CDK5RAP2: variants seen among roughly 807,000 people sequenced by gnomAD.
The protein encoded by CDK5RAP2 is CDK5 regulatory subunit-associated protein 2.
Under a neutral mutation model 232.9 loss-of-function variants are expected in CDK5RAP2, and 147 were observed. That is an observed-to-expected ratio of 0.63 (90% CI 0.55 to 0.72). The LOEUF is 0.72. CDK5RAP2 is among the 30% of genes least tolerant of loss of function. CDK5RAP2 has a pLI of 0.00. For missense variants in CDK5RAP2, 2,195 were observed against 2,231.5 expected, an observed-to-expected ratio of 0.98 and a Z score of 0.33; for synonymous variants, 833 against 833.7, an observed-to-expected ratio of 1.00 and a Z score of 0.01.
At chr9:120,425,533 C>T (rs2034839150) in intron 25 of CDK5RAP2, among the ~76,000 whole-genome samples, 1 of 152,222 alleles carries the variant, frequency 6.6e-6, no homozygotes, top group South Asian at 2.1e-4. Context: ...GTTATCCCAT[C>T]CATAACTGAA....
chr9:120,408,786 T>C (rs544858062), intron 30 of CDK5RAP2, among the ~76,000 whole-genome samples: 55 of 152,380 alleles, frequency 3.6e-4, no homozygotes, highest in African/African-American at 1.3e-3. Context: ...CCTAAGCCAC[T>C]TTGCCTCAGG....
intron 3 of CDK5RAP2, among the ~76,000 whole-genome samples, chr9:120,565,236 T>C (rs1320293416): frequency 6.6e-6 from 1 of 152,200 alleles, no homozygotes. Flanking sequence ...CTGGAAGAGA[T>C]GATTCTTAGA....
chr9:120,390,930 T>C (rs1038998782), intron 36 of CDK5RAP2, among the ~76,000 whole-genome samples: 2 of 152,086 alleles, frequency 1.3e-5, no homozygotes, highest in African/African-American at 2.4e-5. Context: ...ACAGACGGTG[T>C]GGACTTTGTT....
chr9:120,493,635 G>A (rs1430374075), intron 12 of CDK5RAP2, among the ~76,000 whole-genome samples: 1 of 152,170 alleles, frequency 6.6e-6, no homozygotes, highest in South Asian at 2.1e-4. Context: ...TACCACTTTA[G>A]ATGGTAGTTA....
In CDK5RAP2 at chr9:120,541,226, AC is replaced by A. The variant is rs1588613012; in HGVS notation, c.384-2063del. On this transcript the variant is annotated intron_variant, in intron 5 of 37. Coordinates refer to ENST00000349780, the MANE Select transcript of CDK5RAP2 (RefSeq NM_018249.6). Reference sequence around the variant, plus strand: ...CTGCTACCCTTTCCCTTACCCCTCCACCCTGCCCACCAGAGTGCAAATAGGC... The same window carrying A: ...CTGCTACCCTTTCCCTTACCCCTCCACCTGCCCACCAGAGTGCAAATAGGC... Among the ~76,000 whole-genome samples the A allele has an allele frequency of 2.0e-5, 3 of 151,704 alleles. No individual in the cohort carries two copies. The East Asian group carries it at 5.8e-4, about 29-fold the overall frequency.
intron 35 of CDK5RAP2, among the ~76,000 whole-genome samples, chr9:120,397,566 G>GAAAA (rs1296378886): frequency 2.1e-5 from 2 of 94,246 alleles, no homozygotes; most frequent in African/African-American, 4.1e-5. Flanking sequence ...AAAAAAAAAA[G>GAAAA]AAAAAAGAAA....
chr9:120,447,485 G>GT (rs1229058885), intron 22 of CDK5RAP2, among the ~76,000 whole-genome samples: 12 of 152,198 alleles, frequency 7.9e-5, no homozygotes. Flanking sequence ...CGCAAGGTTA[G>GT]TAAGGTTTGG....
chr9:120,403,073 T>C lies in CDK5RAP2; in HGVS notation c.5042-2A>G. 1 of 1,614,006 alleles carries C rather than the reference T, an allele frequency of 6.2e-7. No homozygotes were observed. The highest frequency in any genetic ancestry group is 8.5e-7 in the Non-Finnish European group (1 of 1,179,912). On this transcript the variant is annotated splice_acceptor_variant, in intron 33 of 37. Transcript: ENST00000349780. LOFTEE classifies it high-confidence loss of function. This position sits in a 1 kb window ranked among gnomAD's most constrained non-coding sequence, Gnocchi z 4.2. ...CAGAGAGTGGAGGAGTCTCTGAAAC[T>C]GTAAAATGAGAAGTAGGATGTAAAA... is the stretch of plus-strand genomic sequence containing the variant.
At chr9:120,498,135 C>A (rs1205759745) in intron 12 of CDK5RAP2, among the ~76,000 whole-genome samples, 3 of 152,204 alleles carry the variant, frequency 2.0e-5, no homozygotes, top group Non-Finnish European at 4.4e-5. Context: ...CGTGCTTGCC[C>A]TTTCCCATAT....
At chr9:120,538,448 G>A (rs1359339697) in intron 6 of CDK5RAP2, among the ~76,000 whole-genome samples, 1 of 152,122 alleles carries the variant, frequency 6.6e-6, no homozygotes, top group African/African-American at 2.4e-5. Flanking sequence ...CCATCACAGT[G>A]ACAGGAAATA....
At chr9:120,432,558 C>T (rs1025120726) in intron 25 of CDK5RAP2, among the ~76,000 whole-genome samples, 3 of 152,166 alleles carry the variant, frequency 2.0e-5, no homozygotes, top group Non-Finnish European at 4.4e-5. Flanking sequence ...CAAGAAAGAG[C>T]TACCTCTGTG....
At chr9:120,398,632 G>A (rs936626102) in intron 35 of CDK5RAP2, among the ~76,000 whole-genome samples, 3 of 152,114 alleles carry the variant, frequency 2.0e-5, no homozygotes, top group African/African-American at 7.3e-5. Context: ...ACAAAACAAG[G>A]TCTATTCAGA....
At chr9:120,477,210 G>C in intron 15 of CDK5RAP2, 140 bp downstream of exon 15, 1 of 736,664 alleles carries the variant, frequency 1.4e-6, no homozygotes, top group Non-Finnish European at 2.5e-6. Flanking sequence ...CGCCACCCAA[G>C]CTTTATAAGC....
intron 11 of CDK5RAP2, among the ~76,000 whole-genome samples, chr9:120,523,750 A>G (rs566484430): frequency 2.2e-4 from 33 of 152,342 alleles, no homozygotes; most frequent in African/African-American, 7.7e-4. Context: ...TTGATGATAA[A>G]ACTGTATTGA....
chr9:120,549,581 C>T (rs2041976173), intron 4 of CDK5RAP2, among the ~76,000 whole-genome samples: 1 of 152,166 alleles, frequency 6.6e-6, no homozygotes, highest in Non-Finnish European at 1.5e-5. Context: ...GCCTCAGTTT[C>T]TTCCCCTGTA....
intron 25 of CDK5RAP2, among the ~76,000 whole-genome samples, chr9:120,431,104 G>T (rs912485585): frequency 2.0e-5 from 3 of 152,156 alleles, no homozygotes; most frequent in Non-Finnish European, 4.4e-5. Context: ...ACACTCTGGG[G>T]ACTGTTGTGG....
intron 18 of CDK5RAP2, among the ~76,000 whole-genome samples, chr9:120,463,091 G>A (rs1037209317): frequency 7.9e-5 from 12 of 152,062 alleles, no homozygotes; most frequent in African/African-American, 2.2e-4. Context: ...ACAAAACAGG[G>A]CCAGGCACGG....
chr9:120,392,428 T>C (rs771649391), intron 36 of CDK5RAP2, among the ~76,000 whole-genome samples: 9 of 152,208 alleles, frequency 5.9e-5, no homozygotes, highest in Non-Finnish European at 1.2e-4. Flanking sequence ...GGATCTGGGT[T>C]CTAGTTCTGT....
At chr9:120,485,747 T>C (rs1379961892) in intron 14 of CDK5RAP2, among the ~76,000 whole-genome samples, 2 of 152,232 alleles carry the variant, frequency 1.3e-5, no homozygotes, top group East Asian at 3.8e-4. Context: ...CCAACTAAAG[T>C]TGGTCAAAAT....
Sources: allele counts gnomAD v4.1 joint callset (sites outside exome capture counted in the v4.1 genomes callset), GRCh38; gene constraint gnomAD v4.1.1; non-coding constraint Gnocchi (gnomAD v3.1); transcripts MANE v1.5; gene names NCBI Gene and HGNC (gene_info 2026-07-23, HGNC 2026-07-21).